The following NKAIN1 variants were observed in gnomAD, a reference collection of about 807,000 sequenced individuals.
NKAIN1 encodes the protein sodium/potassium transporting ATPase interacting 1.
NKAIN1 carries 13 observed loss-of-function variants against 31.6 expected under a neutral mutation model. That is an observed-to-expected ratio of 0.41 (90% confidence interval 0.27 to 0.65). The LOEUF (loss-of-function observed/expected upper bound fraction) is 0.65, where lower values mean the gene tolerates loss of function less well. Among genes scored for constraint, NKAIN1 ranks in the 30% least tolerant of loss-of-function variants. The pLI, the probability that NKAIN1 is intolerant of heterozygous loss-of-function variation, is 0.30. For missense variants in NKAIN1, 193 were observed against 262.2 expected (o/e 0.74, Z 1.82); for synonymous variants, 104 against 109.0 (o/e 0.95, Z 0.28).
chr1:31,185,870 A>C (rs116729689), intron 2 of NKAIN1, among the ~76,000 whole-genome samples: 2,690 of 152,254 alleles, frequency 0.018, 69 homozygotes, highest in East Asian at 0.098. Flanking sequence ...GAGGACTCTG[A>C]CTGCCTGGCT....
At position 31,181,686 on chromosome 1, in the gene NKAIN1, T is replaced by A. The variant is rs987041594; in HGVS notation, c.*17A>T. ...GTCAGCCCAGGGCGAGGCGCCGGGGTGGGCGCGGGGCAGAGGCTACCCCGA... is the reference window on the plus strand; with the variant it reads ...GTCAGCCCAGGGCGAGGCGCCGGGGAGGGCGCGGGGCAGAGGCTACCCCGA... On this transcript the variant is annotated 3_prime_UTR_variant, in exon 7 of 7. Transcript: ENST00000373736. 6.9e-7 allele frequency: 1 copy of A among 1,453,560 alleles called. No homozygotes were observed. The highest frequency in any genetic ancestry group is 9.1e-7 in the Non-Finnish European group (1 of 1,097,338). 90.0% of individuals were successfully genotyped at this position (1,453,560 alleles called of 1,614,324 possible).
chr1:31,201,401 G>A (rs377376431), intron 1 of NKAIN1, among the ~76,000 whole-genome samples: 9 of 138,152 alleles, frequency 6.5e-5, no homozygotes, highest in East Asian at 4.3e-4. Flanking sequence ...CTCTGTCGCC[G>A]AGGCTGGAGT....
chr1:31,230,570 G>A (rs1645640191), intron 1 of NKAIN1, among the ~76,000 whole-genome samples: 1 of 152,134 alleles, frequency 6.6e-6, no homozygotes, highest in Non-Finnish European at 1.5e-5. Flanking sequence ...TTTGCTCTCT[G>A]AAGCTCTCCC....
intron 2 of NKAIN1, among the ~76,000 whole-genome samples, chr1:31,186,526 T>G (rs1645245890): frequency 6.6e-6 from 1 of 151,668 alleles, no homozygotes; most frequent in South Asian, 2.1e-4. Flanking sequence ...AGTATGTGTG[T>G]GACATCTTCT....
chr1:31,229,260 T>A lies in NKAIN1; in HGVS notation c.54+10234A>T, dbSNP rs572692286. Among the ~76,000 whole-genome samples, 13 of 152,322 alleles carry A rather than the reference T, an allele frequency of 8.5e-5. No homozygotes were observed. In the South Asian group the frequency reaches 2.5e-3, roughly 29 times the overall value. ...TCACTCTCTGACCCAAGAGTATTAG[T>A]CTTTCTGTAGTTCAGGAAGCTCACC... On this transcript the variant is annotated intron_variant, in intron 1 of 6. Coordinates refer to ENST00000373736, the MANE Select transcript of NKAIN1 (RefSeq NM_024522.3).
intron 1 of NKAIN1, among the ~76,000 whole-genome samples, chr1:31,219,878 C>T (rs972434954): frequency 6.6e-6 from 1 of 152,182 alleles, no homozygotes; most frequent in Non-Finnish European, 1.5e-5. Context: ...ACAGTTTCTG[C>T]CTAGCAGAGT....
At chr1:31,219,642 G>A (rs1645546863) in intron 1 of NKAIN1, among the ~76,000 whole-genome samples, 1 of 152,250 alleles carries the variant, frequency 6.6e-6, no homozygotes, top group Admixed American at 6.5e-5. Flanking sequence ...TAGCGGGGCT[G>A]TGGTGTCTGT....
At chr1:31,231,334 C>CTTTTTT (rs34019998) in intron 1 of NKAIN1, among the ~76,000 whole-genome samples, 1 of 123,638 alleles carries the variant, frequency 8.1e-6, no homozygotes. Context: ...CCTTATTCTA[C>CTTTTTT]TTTTTTTTTT....
At chr1:31,237,889 C>A (rs6681223) in intron 1 of NKAIN1, among the ~76,000 whole-genome samples, 15,340 of 151,936 alleles carry the variant, frequency 0.1, 1,042 homozygotes, top group Non-Finnish European at 0.15. Context: ...TTAAAAAAAA[C>A]CCCTAGTTTA....
rs184381709 is a variant in NKAIN1 at position 31,206,667 on chromosome 1, G to A, written c.55-18480C>T. ...GCTCAGGTTGGTCTCAAACTCTTGAGCTCCAGCAATTTGCCCATCTCAGCC... is the reference window on the plus strand; with the variant it reads ...GCTCAGGTTGGTCTCAAACTCTTGAACTCCAGCAATTTGCCCATCTCAGCC... On this transcript the variant is annotated intron_variant, in intron 1 of 6. Coordinates refer to ENST00000373736, the MANE Select transcript of NKAIN1 (RefSeq NM_024522.3). 9.8e-4 allele frequency among the ~76,000 whole-genome samples: 149 copies of A among 152,190 alleles called. 1 individual carries two copies. Among genetic ancestry groups the A allele is most frequent in the African/African-American group, 3.4e-3 (141 of 41,528 alleles).
chr1:31,203,669 C>T (rs1432987133), intron 1 of NKAIN1, among the ~76,000 whole-genome samples: 1 of 149,630 alleles, frequency 6.7e-6, no homozygotes, highest in East Asian at 2.0e-4. Context: ...ACTGCAACCT[C>T]TGCTTCCCAG....
intron 2 of NKAIN1, among the ~76,000 whole-genome samples, chr1:31,187,528 A>G (rs1385373275): frequency 5.3e-5 from 8 of 152,220 alleles, no homozygotes; most frequent in African/African-American, 1.9e-4. Flanking sequence ...TTCTTGAGAA[A>G]CTAAATAAGA....
At chr1:31,213,032 T>G (rs1335407573) in intron 1 of NKAIN1, among the ~76,000 whole-genome samples, 1 of 99,534 alleles carries the variant, frequency 1.0e-5, no homozygotes, top group Non-Finnish European at 2.3e-5. Context: ...AATAAAAAGC[T>G]TTTTCTTTTG....
chr1:31,234,017 C>A (rs1027172881), intron 1 of NKAIN1, among the ~76,000 whole-genome samples: 4 of 152,214 alleles, frequency 2.6e-5, no homozygotes, highest in Non-Finnish European at 4.4e-5. Flanking sequence ...CACTCACCTA[C>A]CCTTATAAAG....
At chr1:31,235,173 G>A (rs149630927) in intron 1 of NKAIN1, among the ~76,000 whole-genome samples, 50 of 152,226 alleles carry the variant, frequency 3.3e-4, no homozygotes, top group African/African-American at 1.1e-3. Flanking sequence ...AGAAATTGAT[G>A]GGGATTCCCT....
At position 31,233,059 on chromosome 1, in the gene NKAIN1, T is replaced by C. The variant is rs57345456; in HGVS notation, c.54+6435A>G. ...CGCCTCCCAGGTTCAAATGATTCTC[T>C]TGCCTCAGCCTCCCGAGTAGCTGAA... On this transcript the variant is annotated intron_variant, in intron 1 of 6. Coordinates refer to ENST00000373736, the MANE Select transcript of NKAIN1 (RefSeq NM_024522.3). The surrounding 1 kb of genome is among the most constrained non-coding windows in gnomAD (Gnocchi z 4.0). Among the ~76,000 whole-genome samples, 2,049 of 152,094 alleles carry C rather than the reference T, an allele frequency of 0.013. 95 individuals carry two copies. In the East Asian group the frequency reaches 0.15, roughly 11 times the overall value.
At chr1:31,185,881 C>T (rs1348683457) in intron 2 of NKAIN1, among the ~76,000 whole-genome samples, 1 of 152,094 alleles carries the variant, frequency 6.6e-6, no homozygotes, top group Non-Finnish European at 1.5e-5. Flanking sequence ...CTGCCTGGCT[C>T]ACCACTGCAA....
chr1:31,239,690 T>G lies in NKAIN1; in HGVS notation c.-143A>C, dbSNP rs1249306772. ...GGGCGCCTAGGGCCGGGCCCGGGAG[T>G]GTCCGGTCCCCAAGGCTGGGGCCGG... is the stretch of plus-strand genomic sequence containing the variant. On this transcript the variant is annotated 5_prime_UTR_variant, in exon 1 of 7. Coordinates refer to ENST00000373736, the MANE Select transcript of NKAIN1 (RefSeq NM_024522.3). The surrounding 1 kb of genome is among the most constrained non-coding windows in gnomAD (Gnocchi z 4.8). The G allele has an allele frequency of 9.5e-6, 2 of 211,306 alleles. No homozygotes were observed. The highest frequency in any genetic ancestry group is 4.8e-5 in the African/African-American group (2 of 41,712). The allele number at this position is 211,306 out of a possible 1,614,324, so 13.1% of individuals were successfully genotyped here. A position where few individuals can be genotyped will look rare whatever the true frequency, so the allele number is the denominator to read the frequency against.
At chr1:31,229,133 C>T (rs900218527) in intron 1 of NKAIN1, among the ~76,000 whole-genome samples, 4 of 152,216 alleles carry the variant, frequency 2.6e-5, no homozygotes, top group African/African-American at 7.2e-5. Context: ...ATGTTTCATA[C>T]ACTAAGGTGA....
Sources: gnomAD v4.1 joint callset for allele counts (sites outside exome capture counted in the v4.1 genomes callset) on GRCh38, gnomAD v4.1.1 for gene constraint, Gnocchi (gnomAD v3.1) non-coding constraint, MANE v1.5 for transcripts, NCBI Gene and HGNC (gene_info 2026-07-23, HGNC 2026-07-21) for gene names.